CAST: variants seen among roughly 807,000 people sequenced by gnomAD.
The protein encoded by CAST is MIR583 host.
A neutral mutation model predicts 119.6 loss-of-function variants in CAST; 76 were observed. The ratio of observed to expected loss-of-function variants is 0.64; its 90% confidence interval spans 0.53 to 0.77. The LOEUF (loss-of-function observed/expected upper bound fraction) is 0.77. Ranked by LOEUF, CAST falls within the 30% of genes least tolerant of loss-of-function variation. CAST has a pLI of 0.00. For synonymous variants in CAST, 319 were observed against 331.6 expected (o/e 0.96, Z 0.41); for missense variants, 953 against 946.5 (o/e 1.01, Z -0.09).
the CAST span, among the ~76,000 whole-genome samples, chr5:95,970,541 C>T: frequency 6.6e-6 from 1 of 152,134 alleles, no homozygotes; most frequent in Admixed American, 6.5e-5. Flanking sequence ...TCCTAAATGA[C>T]TCAACATTTC....
upstream of CAST, among the ~76,000 whole-genome samples, chr5:96,524,837 C>T (rs769815284): frequency 1.3e-5 from 2 of 152,200 alleles, no homozygotes; most frequent in Non-Finnish European, 2.9e-5. Flanking sequence ...TTTAAGCCCA[C>T]ATGTTGGTTA....
At chr5:96,667,778 G>A (rs1749529655) in intron 1 of CAST, among the ~76,000 whole-genome samples, 1 of 152,158 alleles carries the variant, frequency 6.6e-6, no homozygotes, top group South Asian at 2.1e-4. Flanking sequence ...ACTTTGGGAG[G>A]CTGAGGCGGA....
At chr5:96,616,194 T>C (rs1002974142) in intron 1 of CAST, among the ~76,000 whole-genome samples, 1 of 152,202 alleles carries the variant, frequency 6.6e-6, no homozygotes, top group Non-Finnish European at 1.5e-5. Flanking sequence ...ATACTTTGCA[T>C]CCTTCAATCC....
chr5:96,335,283 G>A, the CAST span, among the ~76,000 whole-genome samples: 6 of 152,162 alleles, frequency 3.9e-5, no homozygotes, highest in African/African-American at 9.7e-5. Flanking sequence ...TGCATCCCCT[G>A]CAATCTGGCT....
the CAST span, among the ~76,000 whole-genome samples, chr5:96,215,916 T>G: frequency 6.6e-6 from 1 of 152,310 alleles, no homozygotes; most frequent in East Asian, 1.9e-4. Context: ...CAAGTGATTC[T>G]CATGTCTCAG....
chr5:96,281,585 C>G, the CAST span, among the ~76,000 whole-genome samples: 1 of 152,180 alleles, frequency 6.6e-6, no homozygotes, highest in Admixed American at 6.5e-5. Flanking sequence ...AAGACTTCAG[C>G]TGCTTATCAT....
chr5:96,234,183 G>T, the CAST span, among the ~76,000 whole-genome samples: 75 of 152,270 alleles, frequency 4.9e-4, no homozygotes, highest in African/African-American at 1.7e-3. Flanking sequence ...ATTTTTCAGG[G>T]TCTGTCAAAG....
the CAST span, among the ~76,000 whole-genome samples, chr5:96,180,077 T>C: frequency 9.2e-5 from 14 of 152,186 alleles, no homozygotes; most frequent in South Asian, 2.9e-3. Flanking sequence ...CAGACATCTG[T>C]GGCATGAGAC....
At chr5:96,073,812 A>G in the CAST span, among the ~76,000 whole-genome samples, 1 of 152,180 alleles carries the variant, frequency 6.6e-6, no homozygotes, top group Non-Finnish European at 1.5e-5. Context: ...CTCATGGACC[A>G]CTACCGGTTC....
chr5:96,153,501 C>T, the CAST span, among the ~76,000 whole-genome samples: 1 of 152,128 alleles, frequency 6.6e-6, no homozygotes, highest in Non-Finnish European at 1.5e-5. Flanking sequence ...AGTGGAGCAG[C>T]GGGCTGGAGG....
intron 1 of CAST, among the ~76,000 whole-genome samples, chr5:96,561,393 GA>G (rs1298988836): frequency 2.6e-5 from 4 of 151,372 alleles, no homozygotes; most frequent in Non-Finnish European, 5.9e-5. Flanking sequence ...AAATTAAAAA[GA>G]ATGAGTTCAT....
intron 3 of CAST, among the ~76,000 whole-genome samples, chr5:96,702,445 C>T (rs1754029528): frequency 6.6e-6 from 1 of 152,222 alleles, no homozygotes; most frequent in Admixed American, 6.5e-5. Flanking sequence ...GTTTTAACTG[C>T]ATTTGCAAAT....
chr5:96,426,637 G>A, the CAST span, among the ~76,000 whole-genome samples: 1 of 152,180 alleles, frequency 6.6e-6, no homozygotes, highest in Non-Finnish European at 1.5e-5. Flanking sequence ...CCCTGAGAGA[G>A]TGAGGGGCTG....
the CAST span, among the ~76,000 whole-genome samples, chr5:96,148,422 G>C: frequency 6.6e-6 from 1 of 152,160 alleles, no homozygotes; most frequent in Non-Finnish European, 1.5e-5. Flanking sequence ...TATGGCTTTA[G>C]TTTATAATTA....
chr5:96,541,715 A>G (rs1210468700), intron 1 of CAST, among the ~76,000 whole-genome samples: 2 of 152,232 alleles, frequency 1.3e-5, no homozygotes, highest in Non-Finnish European at 2.9e-5. Flanking sequence ...TTGAAATTAC[A>G]CAGTATATAG....
the CAST span, among the ~76,000 whole-genome samples, chr5:96,122,855 ATAAAG>A: frequency 6.6e-6 from 1 of 152,122 alleles, no homozygotes; most frequent in African/African-American, 2.4e-5. Context: ...ATGAGGTCAA[ATAAAG>A]TAACTGTCCA....
chr5:96,512,522 T>A, the CAST span, among the ~76,000 whole-genome samples: 1 of 152,208 alleles, frequency 6.6e-6, no homozygotes, highest in African/African-American at 2.4e-5. Flanking sequence ...CGGATAGTGG[T>A]CTCTTTGTGA....
At chr5:96,342,441 A>G in the CAST span, among the ~76,000 whole-genome samples, 8 of 152,044 alleles carry the variant, frequency 5.3e-5, no homozygotes, top group Non-Finnish European at 8.8e-5. Flanking sequence ...GAGAATTTAC[A>G]TTTTGAACAA....
At chr5:96,141,942 C>T in the CAST span, among the ~76,000 whole-genome samples, 1 of 152,238 alleles carries the variant, frequency 6.6e-6, no homozygotes, top group Non-Finnish European at 1.5e-5. Flanking sequence ...TGAGTGTACA[C>T]ATAAATGTTG....
Sources: allele counts gnomAD v4.1 joint callset (sites outside exome capture counted in the v4.1 genomes callset), GRCh38; gene constraint gnomAD v4.1.1; transcripts MANE v1.5; gene names NCBI Gene and HGNC (gene_info 2026-07-23, HGNC 2026-07-21).